Variants in HECA observed in about 807,000 individuals in gnomAD.
The protein encoded by HECA is headcase protein homolog.
In HECA, 13 loss-of-function variants were observed where a neutral mutation model predicts 37.6. The observed-to-expected ratio is 0.35, with a 90% CI of 0.23 to 0.55. The LOEUF (loss-of-function observed/expected upper bound fraction) is 0.55. Among genes scored for constraint, HECA ranks in the 20% least tolerant of loss-of-function variants. HECA has a pLI of 0.90. For synonymous variants in HECA, 307 were observed against 291.5 expected (o/e 1.05, Z -0.54); for missense variants, 527 against 701.9 (o/e 0.75, Z 2.82).
chr6:139,164,525 T>A (rs572121596), intron 1 of HECA, among the ~76,000 whole-genome samples: 14 of 152,192 alleles, frequency 9.2e-5, no homozygotes, highest in African/African-American at 3.1e-4. Flanking sequence ...CATTAAGAAT[T>A]GGCGATGTAG....
At chr6:139,136,117 C>T (rs1252499506) in intron 1 of HECA, among the ~76,000 whole-genome samples, 1 of 152,056 alleles carries the variant, frequency 6.6e-6, no homozygotes, top group East Asian at 1.9e-4. Context: ...GAGAGAGCCT[C>T]AATTCTTAGC....
intron 2 of HECA, among the ~76,000 whole-genome samples, chr6:139,168,754 A>C (rs2049309306): frequency 6.6e-6 from 1 of 152,190 alleles, no homozygotes; most frequent in Admixed American, 6.5e-5. Flanking sequence ...TTTTTGAGAA[A>C]GGGAGCATGG....
At position 139,166,913 on chromosome 6, in the gene HECA, G is replaced by T; in HGVS notation, c.901G>T (p.Ala301Ser). Reference protein sequence around the residue: ...SRYLGEFLKNAIHLEPHKKAM... With the variant: ...SRYLGEFLKNSIHLEPHKKAM... ...ATACCTCGGGGAGTTCTTAAAGAAC[G>T]CCATCCATCTGGAGCCTCACAAGAA... is the stretch of plus-strand genomic sequence containing the variant. Residue 301 changes from alanine to serine, a missense_variant, in exon 2 of 4, where the codon GCC (alanine) becomes TCC (serine). Around this residue, in one of 4 missense-constraint regions of HECA, gnomAD observed 228 missense variants for 259.8 expected, o/e 0.88. Coordinates refer to ENST00000367658, the MANE Select transcript of HECA (RefSeq NM_016217.3). The T allele has an allele frequency of 6.2e-7, 1 of 1,613,994 alleles. No homozygotes were observed. The highest frequency in any genetic ancestry group is 8.5e-7 in the Non-Finnish European group (1 of 1,180,006).
chr6:139,167,390 T>G (rs1774906604), intron 2 of HECA, 66 bp downstream of exon 2: 25 of 1,286,936 alleles, frequency 1.9e-5, no homozygotes, highest in Non-Finnish European at 2.5e-5. Flanking sequence ...ACAAGACAGA[T>G]TGCTCTATTT....
At chr6:139,139,860 C>T (rs9484237) in intron 1 of HECA, among the ~76,000 whole-genome samples, 18,390 of 152,204 alleles carry the variant, frequency 0.12, 1,628 homozygotes, top group African/African-American at 0.22. Flanking sequence ...CATTCTTATT[C>T]CCCTAGCATT....
At chr6:139,139,150 G>A (rs964223595) in intron 1 of HECA, among the ~76,000 whole-genome samples, 1 of 151,978 alleles carries the variant, frequency 6.6e-6, no homozygotes, top group African/African-American at 2.4e-5. Context: ...GTGGGCAGCA[G>A]AGTCTGCCTT....
chr6:139,163,162 G>C (rs943674096), intron 1 of HECA, among the ~76,000 whole-genome samples: 4 of 152,286 alleles, frequency 2.6e-5, no homozygotes, highest in African/African-American at 7.2e-5. Flanking sequence ...CCCCCTAGGG[G>C]ATACCTGGCA....
Position 139,135,511 on chromosome 6 carries a change from G to C in HECA, c.115G>C (p.Ala39Pro). 1 of 1,081,886 alleles carries C rather than the reference G, an allele frequency of 9.2e-7. No homozygotes were observed. The highest frequency in any genetic ancestry group is 1.1e-6 in the Non-Finnish European group (1 of 885,928). 67.0% of individuals were successfully genotyped at this position (1,081,886 alleles called of 1,614,324 possible). A position where few individuals can be genotyped will look rare whatever the true frequency, so the allele number is the denominator to read the frequency against. The change falls in exon 1 of 4, where the codon GCG becomes CCG. Residue 39 changes from alanine to proline, a missense_variant. By Grantham distance (27) the Ala-to-Pro change is conservative (BLOSUM62 -1). Around this residue, in one of 4 missense-constraint regions of HECA, gnomAD observed 172 missense variants for 197.6 expected, o/e 0.87. Transcript: ENST00000367658. Reference protein sequence around the residue: ...ALAAAGAAGAAAGGALAAAAG... With the variant: ...ALAAAGAAGAPAGGALAAAAG... Reference sequence around the variant, plus strand: ...GGCAGCGGCGGGCGCGGCGGGAGCGGCGGCCGGGGGGGCCCTGGCGGCGGC... The same window carrying C: ...GGCAGCGGCGGGCGCGGCGGGAGCGCCGGCCGGGGGGGCCCTGGCGGCGGC...
At chr6:139,141,914 A>C (rs1386237176) in intron 1 of HECA, among the ~76,000 whole-genome samples, 1 of 131,316 alleles carries the variant, frequency 7.6e-6, no homozygotes, top group Non-Finnish European at 1.6e-5. Flanking sequence ...CACCATGCCC[A>C]GCTAATTTTT....
chr6:139,148,123 A>G (rs959820286), intron 1 of HECA, among the ~76,000 whole-genome samples: 1 of 152,074 alleles, frequency 6.6e-6, no homozygotes, highest in Non-Finnish European at 1.5e-5. Context: ...CCATTTTACT[A>G]ATAGGGTATT....
chr6:139,148,196 C>T (rs1370613158), intron 1 of HECA, among the ~76,000 whole-genome samples: 1 of 152,050 alleles, frequency 6.6e-6, no homozygotes, highest in Non-Finnish European at 1.5e-5. Context: ...CATACGCTTT[C>T]CCTAATTTAT....
At chr6:139,139,336 C>A (rs558546883) in intron 1 of HECA, among the ~76,000 whole-genome samples, 1 of 152,168 alleles carries the variant, frequency 6.6e-6, no homozygotes, top group African/African-American at 2.4e-5. Flanking sequence ...GTAGTACCTA[C>A]CCATACAGAT....
In HECA at chr6:139,166,810, T is replaced by G. The variant is rs1774894251; in HGVS notation, c.798T>G (p.Gly266=). 1 of 1,613,662 alleles carries G rather than the reference T, an allele frequency of 6.2e-7. No homozygotes were observed. Among genetic ancestry groups the G allele is most frequent in the Non-Finnish European group, 8.5e-7 (1 of 1,179,948 alleles). ...GAAAYGARSP[G]GSPGQSPPTG... The stretch of plus-strand genomic sequence containing the variant: ...CAGCCTACGGTGCCCGTTCCCCCGG[T>G]GGCTCCCCGGGCCAGTCCCCACCCA... The change falls in exon 2 of 4, where the codon GGT becomes GGG. Residue 266 remains glycine (G), a synonymous_variant. Coordinates refer to ENST00000367658, the MANE Select transcript of HECA (RefSeq NM_016217.3).
intron 1 of HECA, chr6:139,151,028 A>C (rs1423473824): frequency 6.6e-6 from 1 of 152,188 alleles, no homozygotes; most frequent in Non-Finnish European, 1.5e-5. Context: ...AGACTTAGAC[A>C]TGCCCTCTTC....
intron 1 of HECA, among the ~76,000 whole-genome samples, chr6:139,152,084 A>G (rs1018698996): frequency 6.6e-6 from 1 of 152,184 alleles, no homozygotes; most frequent in Non-Finnish European, 1.5e-5. Context: ...CTATGACACT[A>G]TTATCTTCAT....
chr6:139,155,243 A>G (rs1435331153), intron 1 of HECA, among the ~76,000 whole-genome samples: 2 of 152,212 alleles, frequency 1.3e-5, no homozygotes, highest in Admixed American at 1.3e-4. Flanking sequence ...AAACATAGAA[A>G]AGGCACAGTA....
At chr6:139,157,540 C>T (rs1213384371) in intron 1 of HECA, among the ~76,000 whole-genome samples, 1 of 152,194 alleles carries the variant, frequency 6.6e-6, no homozygotes, top group Non-Finnish European at 1.5e-5. Flanking sequence ...TTCTTTGACA[C>T]TAGTCAGTAA....
At chr6:139,164,091 C>CTT (rs1444759274) in intron 1 of HECA, among the ~76,000 whole-genome samples, 171 of 151,682 alleles carry the variant, frequency 1.1e-3, no homozygotes, top group African/African-American at 4.1e-3. Flanking sequence ...CTCTCTCTCT[C>CTT]TCTCTCTCTG....
chr6:139,138,110 A>G (rs1290317130), intron 1 of HECA, among the ~76,000 whole-genome samples: 1 of 152,116 alleles, frequency 6.6e-6, no homozygotes. Flanking sequence ...TGCAAAATCA[A>G]ATGCTTTTTT....
Sources: gnomAD v4.1 joint callset for allele counts (sites outside exome capture counted in the v4.1 genomes callset) on GRCh38, gnomAD v4.1.1 for gene constraint, gnomAD v4.1.1 regional missense constraint, MANE v1.5 for transcripts, NCBI Gene and HGNC (gene_info 2026-07-23, HGNC 2026-07-21) for gene names.